The following CIBAR2 variants were observed in gnomAD, a reference collection of about 807,000 sequenced individuals.
CIBAR2 encodes the protein CBY1 interacting BAR domain containing 2, also known as CBY1-interacting BAR domain-containing protein 2.
CIBAR2 carries 38 observed loss-of-function variants against 36.2 expected under a neutral mutation model. The observed-to-expected ratio is 1.05, with a 90% CI of 0.81 to 1.38. The LOEUF is 1.38. CIBAR2 is among the 40% of genes most tolerant of loss of function. CIBAR2 has a pLI of 0.00. For synonymous variants in CIBAR2, 182 were observed against 149.5 expected (o/e 1.22, Z -1.58); for missense variants, 481 against 383.4 (o/e 1.25, Z -2.13).
intron 7 of CIBAR2, 51 bp downstream of exon 7, chr16:85,102,163 T>C (rs1172474068): frequency 9.6e-7 from 1 of 1,037,640 alleles, no homozygotes; most frequent in African/African-American, 1.6e-5. Context: ...AAAACCAAAA[T>C]GAAACTCTGC....
chr16:85,100,105 T>TTAGGTGAACCCC, intron 8 of CIBAR2, 34 bp downstream of exon 8: 1 of 1,544,834 alleles, frequency 6.5e-7, no homozygotes, highest in East Asian at 2.3e-5. Context: ...GCACGACATT[T>TTAGGTGAACCCC]TAGGTGTAAC....
rs1210384092 is a variant in CIBAR2 at position 85,110,553 on chromosome 16, G to A, written c.21-93C>T. The A allele has an allele frequency of 7.4e-6, 7 of 943,328 alleles. No homozygotes were observed. The South Asian group carries it at 1.2e-4, about 16-fold the overall frequency. The allele number at this position is 943,328 out of a possible 1,614,324, so 58.4% of individuals were successfully genotyped here. On this transcript the variant is annotated intron_variant, in intron 1 of 8. Transcript: ENST00000539556. ...GACAATAGCTATGAAAACAGGAGCT[G>A]CCACCAGCCGGCCTCTGGTGTGGCA...
chr16:85,106,949 C>A (rs113425340), intron 5 of CIBAR2, among the ~76,000 whole-genome samples: 1 of 152,220 alleles, frequency 6.6e-6, no homozygotes, highest in African/African-American at 2.4e-5. Context: ...AGTTCAAGAC[C>A]AGCCTGGCCA....
At position 85,102,244 on chromosome 16, in the gene CIBAR2, C is replaced by T. The variant is rs1200547828; in HGVS notation, c.621G>A (p.Leu207=). The T allele has an allele frequency of 1.2e-6, 2 of 1,611,328 alleles. No homozygotes were observed. The highest frequency in any genetic ancestry group is 1.3e-5 in the African/African-American group (1 of 74,888). Residue 207 remains leucine, a synonymous_variant, in exon 7 of 9, where the codon CTG becomes CTA. Transcript: ENST00000539556. ...VEVYSSAFQT[L]EKYDLERDLL... ...GATCCCTCTCCAGGTCATACTTCTC[C>T]AGGGTCTGGAAGGCGCTAGAATACA...
At chr16:85,110,704 C>CTTTTTTTT (rs746973381) in intron 1 of CIBAR2, among the ~76,000 whole-genome samples, 2,252 of 93,640 alleles carry the variant, frequency 0.024, 135 homozygotes, top group African/African-American at 0.097. Flanking sequence ...CAGACCTGGC[C>CTTTTTTTT]TTTTTTTTTT....
Position 85,107,582 on chromosome 16 carries a change from A to G in CIBAR2, c.432+85T>C, listed in dbSNP as rs548733847. 2.6e-5 allele frequency: 38 copies of G among 1,434,866 alleles called. No homozygotes were observed. The East Asian group carries it at 7.9e-4, about 30-fold the overall frequency. 88.9% of individuals were successfully genotyped at this position (1,434,866 alleles called of 1,614,324 possible). A position where few individuals can be genotyped will look rare whatever the true frequency, so the allele number is the denominator to read the frequency against. On this transcript the variant is annotated intron_variant, in intron 5 of 8. Transcript: ENST00000539556. ...GTCCTGCACACACCTGCTTCAGACCAGGTAAAGTCTACCTGGCCGTTTTGT... is the reference window on the plus strand; with the variant it reads ...GTCCTGCACACACCTGCTTCAGACCGGGTAAAGTCTACCTGGCCGTTTTGT...
chr16:85,098,476 G>A lies in CIBAR2; in HGVS notation c.*709C>T. 1.2e-5 allele frequency: 12 copies of A among 967,994 alleles called. No individual in the cohort carries two copies. Among genetic ancestry groups the A allele is most frequent in the Non-Finnish European group, 1.5e-5 (12 of 813,624 alleles). 60.0% of individuals were successfully genotyped at this position (967,994 alleles called of 1,614,324 possible). On this transcript the variant is annotated 3_prime_UTR_variant, in exon 9 of 9. Transcript: ENST00000539556. ...GTACAGATGAGGAAACTGAGGCTCA[G>A]AGGACACGTGGCTTGCCTGAGGGCA...
In CIBAR2 at chr16:85,107,916, T is replaced by G. The variant is rs1315415139; in HGVS notation, c.356A>C (p.Asn119Thr). Residue 119 changes from asparagine to threonine, a missense_variant, in exon 4 of 9, where the codon AAT becomes ACT. Transcript: ENST00000539556. ...TTTTTCCAGTTGTTTGATCTCATGA[T>G]TTTGGACATGTTTGAATTTCTTGAT... is the stretch of plus-strand genomic sequence containing the variant. ...AEIKKFKHVQ[N>T]HEIKQLEKLE... 6.2e-7 allele frequency: 1 copy of G among 1,614,118 alleles called. No homozygotes were observed. The highest frequency in any genetic ancestry group is 1.1e-5 in the South Asian group (1 of 91,078).
chr16:85,105,210 G>A, intron 6 of CIBAR2, 117 bp downstream of exon 6: 1 of 647,340 alleles, frequency 1.5e-6, no homozygotes, highest in African/African-American at 1.8e-5. Context: ...GCTCACACGT[G>A]TACACAGACC....
intron 7 of CIBAR2, among the ~76,000 whole-genome samples, chr16:85,101,234 G>A (rs2073953079): frequency 6.6e-6 from 1 of 152,124 alleles, no homozygotes; most frequent in Non-Finnish European, 1.5e-5. Flanking sequence ...CCTGTGCTTG[G>A]CTTAGCACTC....
At chr16:85,104,572 T>A (rs1192273806) in intron 6 of CIBAR2, among the ~76,000 whole-genome samples, 1 of 152,042 alleles carries the variant, frequency 6.6e-6, no homozygotes, top group Non-Finnish European at 1.5e-5. Flanking sequence ...AAAAATTAGC[T>A]GGGCGTGGTG....
chr16:85,099,423 C>G, intron 8 of CIBAR2, 77 bp from the exon 9 acceptor site: 1 of 830,372 alleles, frequency 1.2e-6, no homozygotes, highest in Non-Finnish European at 2.0e-6. Flanking sequence ...TACCTAATCA[C>G]CTCCCTAACC....
chr16:85,101,772 C>G (rs113597486), intron 7 of CIBAR2, among the ~76,000 whole-genome samples: 1 of 151,808 alleles, frequency 6.6e-6, no homozygotes, highest in Non-Finnish European at 1.5e-5. Context: ...CGGGTTCAAG[C>G]GATTCTCCTG....
intron 4 of CIBAR2, 75 bp from the exon 5 acceptor site, chr16:85,107,747 C>T (rs1327540469): frequency 1.8e-5 from 29 of 1,595,844 alleles, no homozygotes; most frequent in Non-Finnish European, 2.3e-5. Flanking sequence ...CTTCACAGCC[C>T]CTGCCCAGCG....
chr16:85,103,279 T>C lies in CIBAR2; in HGVS notation c.538-952A>G, dbSNP rs534888428. On this transcript the variant is annotated intron_variant, in intron 6 of 8. Transcript: ENST00000539556. The stretch of plus-strand genomic sequence containing the variant: ...TGGGGAACAGGCCCTCCTCGGATGC[T>C]GAATCTGCTGGAGCCTCGGTCTTGG... Among the ~76,000 whole-genome samples, 7 of 152,276 alleles carry C rather than the reference T, an allele frequency of 4.6e-5. No homozygotes were observed. The East Asian group carries it at 1.4e-3, about 29-fold the overall frequency.
intron 7 of CIBAR2, among the ~76,000 whole-genome samples, 167 bp from the exon 8 acceptor site, chr16:85,100,407 C>T (rs1306775421): frequency 6.6e-6 from 1 of 152,198 alleles, no homozygotes; most frequent in African/African-American, 2.4e-5. Flanking sequence ...ACATAATCTA[C>T]AGCAGCCCGG....
intron 7 of CIBAR2, among the ~76,000 whole-genome samples, chr16:85,101,664 T>C (rs930779696): frequency 2.3e-5 from 3 of 127,720 alleles, no homozygotes; most frequent in African/African-American, 1.2e-4. Flanking sequence ...TCCATTTGTG[T>C]TTTTTTGTTT....
At position 85,098,902 on chromosome 16, in the gene CIBAR2, C is replaced by G. The variant is rs182827120; in HGVS notation, c.*283G>C. ...GCTAGGAGACTTTCCCAAGGTCACA[C>G]CGCCGGGAGCAGTGGGCTCGGACCA... On this transcript the variant is annotated 3_prime_UTR_variant, in exon 9 of 9. Transcript: ENST00000539556. 4 of 277,394 alleles carry G rather than the reference C, an allele frequency of 1.4e-5. No homozygotes were observed. Among genetic ancestry groups the G allele is most frequent in the East Asian group, 2.1e-4 (2 of 9,358 alleles). 17.2% of individuals were successfully genotyped at this position (277,394 alleles called of 1,614,324 possible).
chr16:85,112,313 G>A lies in CIBAR2; in HGVS notation c.20+20C>T, dbSNP rs1206310262. 1 of 1,613,398 alleles carries A rather than the reference G, an allele frequency of 6.2e-7. No individual in the cohort carries two copies. On this transcript the variant is annotated intron_variant, in intron 1 of 8. Transcript: ENST00000539556. ...CGACTTCCACCTCCCTCACAGCCAG[G>A]CTGGCGCTGGCCCACTCACCTGGAG...
Sources: allele counts gnomAD v4.1 joint callset (sites outside exome capture counted in the v4.1 genomes callset), GRCh38; gene constraint gnomAD v4.1.1; transcripts MANE v1.5; gene names NCBI Gene and HGNC (gene_info 2026-07-23, HGNC 2026-07-21).